FCHO2: variants seen among roughly 807,000 people sequenced by gnomAD.
FCHO2 encodes F-BAR domain only protein 2.
In FCHO2, 43 loss-of-function variants were observed where a neutral mutation model predicts 114.1. That is an observed-to-expected ratio of 0.38 (90% CI 0.30 to 0.49). The LOEUF is 0.49. Among genes scored for constraint, FCHO2 ranks in the 20% least tolerant of loss-of-function variants. The pLI is 0.97. For synonymous variants in FCHO2, 293 were observed against 315.2 expected (o/e 0.93, Z 0.75); for missense variants, 807 against 950.4 (o/e 0.85, Z 1.98).
intron 11 of FCHO2, among the ~76,000 whole-genome samples, chr5:73,043,869 A>G (rs1756929233): frequency 6.6e-6 from 1 of 152,092 alleles, no homozygotes; most frequent in African/African-American, 2.4e-5. Context: ...TACTTATTTT[A>G]TTTTGAGATG....
At position 73,067,407 on chromosome 5, in the gene FCHO2, T is replaced by G. The variant is rs181796794; in HGVS notation, c.1450-1243T>G. On this transcript the variant is annotated intron_variant, in intron 18 of 25. Transcript: ENST00000430046. The stretch of plus-strand genomic sequence containing the variant: ...TCTGCGTATATACACAGCTGCATTT[T>G]TAGCATCCTGCTGAGTTTTTTCAAC... Among the ~76,000 whole-genome samples the G allele has an allele frequency of 6.6e-5, 10 of 152,132 alleles. No individual in the cohort carries two copies. In the East Asian group the frequency reaches 1.9e-3, roughly 29 times the overall value.
At chr5:73,044,513 TCTTA>T (rs1756965182) in intron 11 of FCHO2, among the ~76,000 whole-genome samples, 1 of 152,188 alleles carries the variant, frequency 6.6e-6, no homozygotes. Context: ...CATGGCTTCC[TCTTA>T]CTAATTATTT....
chr5:73,051,359 A>T lies in FCHO2; in HGVS notation c.950A>T (p.Asp317Val). 3 of 1,529,622 alleles carry T rather than the reference A, an allele frequency of 2.0e-6. No homozygotes were observed. Among genetic ancestry groups the T allele is most frequent in the Non-Finnish European group, 2.7e-6 (3 of 1,130,580 alleles). 94.8% of individuals were successfully genotyped at this position (1,529,622 alleles called of 1,614,324 possible). ...TTCTTTTTCCCTTAGAACATTCCTGATGTAGATGAAGAAGGCTACAGTATT... is the reference window on the plus strand; with the variant it reads ...TTCTTTTTCCCTTAGAACATTCCTGTTGTAGATGAAGAAGGCTACAGTATT... The part of the protein sequence containing the change: ...CPDADSLNIP[D>V]VDEEGYSIKP... Residue 317 changes from aspartate to valine, a missense_variant, in exon 12 of 26, where the codon GAT becomes GTT. Coordinates refer to ENST00000430046, the MANE Select transcript of FCHO2 (RefSeq NM_138782.3).
intron 19 of FCHO2, among the ~76,000 whole-genome samples, chr5:73,069,710 G>C (rs1304926070): frequency 6.6e-6 from 1 of 151,994 alleles, no homozygotes; most frequent in Non-Finnish European, 1.5e-5. Flanking sequence ...TGGCCTGGGG[G>C]TTGAGGATCC....
At chr5:72,956,461 G>A (rs1751547058) in intron 1 of FCHO2, among the ~76,000 whole-genome samples, 1 of 151,656 alleles carries the variant, frequency 6.6e-6, no homozygotes, top group South Asian at 2.1e-4. Flanking sequence ...TCCGCGCGGG[G>A]CGTGCGCGGC....
At chr5:73,017,595 A>G (rs983640237) in intron 8 of FCHO2, among the ~76,000 whole-genome samples, 8 of 151,992 alleles carry the variant, frequency 5.3e-5, no homozygotes, top group Admixed American at 5.2e-4. Flanking sequence ...TAAAGTGGTT[A>G]TTATAACATT....
chr5:73,031,837 G>A (rs1756254466), intron 8 of FCHO2, among the ~76,000 whole-genome samples: 1 of 152,140 alleles, frequency 6.6e-6, no homozygotes, highest in Non-Finnish European at 1.5e-5. Flanking sequence ...AAACTAAATT[G>A]CCCTTGTGAC....
At chr5:73,079,835 A>G (rs77275535) in intron 22 of FCHO2, among the ~76,000 whole-genome samples, 7 of 152,332 alleles carry the variant, frequency 4.6e-5, no homozygotes, top group South Asian at 4.2e-4. Flanking sequence ...ACAGATTAGT[A>G]TATACACAGG....
In FCHO2 at chr5:73,069,488, A is replaced by G. The variant is rs1282886093; in HGVS notation, c.1579+709A>G. ...AGACAATGGCAGATCATCAGGCATTAGATTCTCATAAGAGTGCGCAACCTA... is the reference window on the plus strand; with the variant it reads ...AGACAATGGCAGATCATCAGGCATTGGATTCTCATAAGAGTGCGCAACCTA... On this transcript the variant is annotated intron_variant, in intron 19 of 25. Coordinates refer to ENST00000430046, the MANE Select transcript of FCHO2 (RefSeq NM_138782.3). Among the ~76,000 whole-genome samples the G allele has an allele frequency of 2.6e-5, 4 of 152,048 alleles. No homozygotes were observed. The East Asian group carries it at 7.7e-4, about 29-fold the overall frequency.
At chr5:73,057,957 GTTAA>G (rs1335221024) in intron 16 of FCHO2, among the ~76,000 whole-genome samples, 3 of 152,164 alleles carry the variant, frequency 2.0e-5, no homozygotes, top group East Asian at 3.9e-4. Context: ...TGTTAAATCT[GTTAA>G]TTAATTTCTA....
At chr5:73,076,450 A>T (rs1742912943) in intron 20 of FCHO2, among the ~76,000 whole-genome samples, 2 of 152,304 alleles carry the variant, frequency 1.3e-5, no homozygotes, top group Middle Eastern at 3.4e-3. Context: ...TTTTTAAAAG[A>T]TGATATATAT....
At chr5:72,962,980 C>G (rs1431889037) in intron 1 of FCHO2, among the ~76,000 whole-genome samples, 1 of 151,768 alleles carries the variant, frequency 6.6e-6, no homozygotes, top group African/African-American at 2.4e-5. Flanking sequence ...TGGGGAGAAA[C>G]AAAAACAACA....
In FCHO2 at chr5:73,081,906, G is replaced by A; in HGVS notation, c.2104G>A (p.Val702Met). Residue 702 changes from valine to methionine, a missense_variant, in exon 23 of 26, where the codon GTG becomes ATG. Transcript: ENST00000430046. The part of the protein sequence containing the change: ...YNPEAMVAPS[V>M]LSNIQVVVPV... ...TCCAGAAGCTATGGTGGCACCTAGT[G>A]TGCTTTCCAACATACAGGTGGTGGT... The A allele has an allele frequency of 1.2e-6, 2 of 1,612,438 alleles. No homozygotes were observed. The highest frequency in any genetic ancestry group is 8.5e-7 in the Non-Finnish European group (1 of 1,179,096).
intron 18 of FCHO2, among the ~76,000 whole-genome samples, chr5:73,065,390 A>G (rs1758017118): frequency 6.6e-6 from 1 of 152,024 alleles, no homozygotes; most frequent in South Asian, 2.1e-4. Flanking sequence ...TCTGTATTTC[A>G]CCACCCAAAG....
chr5:73,083,831 T>A (rs1743203088), intron 24 of FCHO2, among the ~76,000 whole-genome samples: 3 of 148,134 alleles, frequency 2.0e-5, no homozygotes, highest in African/African-American at 7.5e-5. Context: ...AGGCGGAGGT[T>A]GCAGTGAGCT....
intron 6 of FCHO2, among the ~76,000 whole-genome samples, chr5:73,010,424 G>T (rs1319747202): frequency 6.6e-6 from 1 of 152,126 alleles, no homozygotes; most frequent in African/African-American, 2.4e-5. Context: ...TTTGAGATTT[G>T]TTAAGCAGTA....
intron 17 of FCHO2, among the ~76,000 whole-genome samples, chr5:73,061,393 A>ACAAGGTAACTATT (rs1319005556): frequency 1.8e-4 from 28 of 152,236 alleles, no homozygotes; most frequent in African/African-American, 5.3e-4. Flanking sequence ...AATAATTAAA[A>ACAAGGTAACTATT]CAAGGTAACT....
intron 2 of FCHO2, among the ~76,000 whole-genome samples, chr5:72,975,757 G>A (rs1014430758): frequency 2.0e-5 from 3 of 152,200 alleles, no homozygotes; most frequent in South Asian, 2.1e-4. Context: ...CACCCATCTC[G>A]GCCTCCCAGT....
In FCHO2 at chr5:73,088,078, G is replaced by A. The variant is rs1743370669; in HGVS notation, c.2421G>A (p.Leu807=). Residue 807 remains leucine (L), a synonymous_variant, in exon 26 of 26, where the codon CTG becomes CTA. Transcript: ENST00000430046. ...IKKRFATGRY[L]ADC is the part of the protein sequence containing the mutation. ...CTTGGCGTTTTTCAGGACGATACCT[G>A]GCGGATTGTTGATGGACCTGGGAAA... The A allele has an allele frequency of 1.9e-6, 3 of 1,613,496 alleles. No individual in the cohort carries two copies. The highest frequency in any genetic ancestry group is 2.5e-6 in the Non-Finnish European group (3 of 1,179,736).
Sources: allele counts gnomAD v4.1 joint callset (sites outside exome capture counted in the v4.1 genomes callset), GRCh38; gene constraint gnomAD v4.1.1; transcripts MANE v1.5; gene names NCBI Gene and HGNC (gene_info 2026-07-23, HGNC 2026-07-21).